NFIB: variants seen among roughly 807,000 people sequenced by gnomAD.
NFIB encodes nuclear factor I B.
A neutral mutation model predicts 61.5 loss-of-function variants in NFIB; 11 were observed. The observed-to-expected ratio is 0.18, with a 90% CI of 0.11 to 0.30. NFIB has a LOEUF of 0.30. Among genes scored for constraint, NFIB ranks in the 10% least tolerant of loss-of-function variants. The probability of loss-of-function intolerance (pLI) is 1.00; values close to 1 mark genes in which losing one functional copy is unlikely to be tolerated. For missense variants in NFIB, 471 were observed against 608.9 expected, an observed-to-expected ratio of 0.77 and a Z score of 2.38; for synonymous variants, 260 against 216.5, an observed-to-expected ratio of 1.20 and a Z score of -1.76.
At chr9:14,152,102 G>A (rs748022067) in intron 4 of NFIB, among the ~76,000 whole-genome samples, 1 of 151,914 alleles carries the variant, frequency 6.6e-6, no homozygotes, top group Admixed American at 6.6e-5. Flanking sequence ...AAGTAACCAC[G>A]GAATACACAA....
the NFIB span, among the ~76,000 whole-genome samples, chr9:14,484,481 A>T: frequency 6.6e-6 from 1 of 152,218 alleles, no homozygotes; most frequent in South Asian, 2.1e-4. Flanking sequence ...TCTGCTGCAA[A>T]ATATGTGTTT....
the NFIB span, among the ~76,000 whole-genome samples, chr9:14,517,243 T>C: frequency 1.8e-4 from 28 of 152,210 alleles, no homozygotes; most frequent in Non-Finnish European, 3.8e-4. Flanking sequence ...AACCTCTCTC[T>C]GGAATGCAGG....
At chr9:14,317,546 A>G (rs376654080), upstream of NFIB, among the ~76,000 whole-genome samples, 7 of 152,366 alleles carry the variant, frequency 4.6e-5, no homozygotes, top group East Asian at 7.7e-4. Context: ...GAGGCGAGGA[A>G]AACCAAAAAG....
the NFIB span, among the ~76,000 whole-genome samples, chr9:14,488,340 A>G: frequency 1.3e-5 from 2 of 151,222 alleles, no homozygotes; most frequent in South Asian, 2.1e-4. Flanking sequence ...TTCAATCTGG[A>G]CAACAGAGCA....
At chr9:14,462,376 G>A in the NFIB span, among the ~76,000 whole-genome samples, 14 of 151,258 alleles carry the variant, frequency 9.3e-5, no homozygotes, top group South Asian at 2.1e-4. Flanking sequence ...TCCGCCTCCC[G>A]GGTTCACGCC....
rs910265401 is a variant in NFIB, at chr9:14,184,246, T to C, written c.563-4466A>G. ...GGACAGCCTATTCAGACACAATACT[T>C]CTTGAATCGTTATGATGCAATCCTA... is the stretch of plus-strand genomic sequence containing the variant. On this transcript the variant is annotated intron_variant, in intron 2 of 10. Transcript: ENST00000380953. Among the ~76,000 whole-genome samples, 4 of 152,350 alleles carry C rather than the reference T, an allele frequency of 2.6e-5. No homozygotes were observed. In the East Asian group the frequency reaches 5.8e-4, roughly 22 times the overall value.
At chr9:14,126,886 A>G (rs1280099884) in intron 6 of NFIB, among the ~76,000 whole-genome samples, 2 of 152,244 alleles carry the variant, frequency 1.3e-5, no homozygotes, top group African/African-American at 4.8e-5. Flanking sequence ...GACCGAATGT[A>G]TGCCACATGC....
chr9:14,451,207 C>T, the NFIB span, among the ~76,000 whole-genome samples: 1 of 152,222 alleles, frequency 6.6e-6, no homozygotes, highest in Non-Finnish European at 1.5e-5. Flanking sequence ...GTAGAAGAGT[C>T]ACTTTATAAT....
chr9:14,164,245 G>A (rs1324033401), intron 3 of NFIB, among the ~76,000 whole-genome samples: 1 of 152,036 alleles, frequency 6.6e-6, no homozygotes, highest in Non-Finnish European at 1.5e-5. Context: ...GTCATGAATG[G>A]CTTAATGGCA....
At chr9:14,301,065 G>A (rs973629760) in intron 2 of NFIB, among the ~76,000 whole-genome samples, 1 of 152,062 alleles carries the variant, frequency 6.6e-6, no homozygotes, top group African/African-American at 2.4e-5. Context: ...AATCTATTAC[G>A]AATCTTCATG....
At chr9:14,322,866 C>CG (rs2060696817) in intron 1 of NFIB, among the ~76,000 whole-genome samples, 1 of 151,610 alleles carries the variant, frequency 6.6e-6, no homozygotes, top group African/African-American at 2.4e-5. Flanking sequence ...GTGACCGTCT[C>CG]GGGGGCTGCT....
chr9:14,389,521 G>A (rs1313122135), intron 1 of NFIB, among the ~76,000 whole-genome samples: 1 of 152,016 alleles, frequency 6.6e-6, no homozygotes, highest in Non-Finnish European at 1.5e-5. Context: ...TTTTAAGCAG[G>A]CATCTAAAAC....
chr9:14,460,872 A>G, the NFIB span, among the ~76,000 whole-genome samples: 1 of 151,616 alleles, frequency 6.6e-6, no homozygotes, highest in Non-Finnish European at 1.5e-5. Flanking sequence ...TGTTATTCCA[A>G]CTTCACTTCT....
intron 2 of NFIB, among the ~76,000 whole-genome samples, chr9:14,214,945 C>G (rs1160661834): frequency 1.3e-5 from 2 of 152,088 alleles, no homozygotes; most frequent in African/African-American, 2.4e-5. Flanking sequence ...GCTTCCATGC[C>G]CATTAAGAAA....
At chr9:14,282,833 G>A (rs1344003431) in intron 2 of NFIB, among the ~76,000 whole-genome samples, 1 of 152,168 alleles carries the variant, frequency 6.6e-6, no homozygotes, top group African/African-American at 2.4e-5. Flanking sequence ...TCAAATACTT[G>A]TTCCTCCTTT....
chr9:14,354,914 C>T (rs1218031018), intron 1 of NFIB, among the ~76,000 whole-genome samples: 1 of 151,944 alleles, frequency 6.6e-6, no homozygotes, highest in African/African-American at 2.4e-5. Flanking sequence ...TGAACACTGT[C>T]ACTATTCCTT....
chr9:14,315,282 G>A (rs573405521), upstream of NFIB, among the ~76,000 whole-genome samples: 2,037 of 151,110 alleles, frequency 0.013, 18 homozygotes, highest in Middle Eastern at 0.045. Context: ...GCGGCGCTTC[G>A]CCGCGGTTTG....
At chr9:14,484,329 T>C in the NFIB span, among the ~76,000 whole-genome samples, 1 of 152,198 alleles carries the variant, frequency 6.6e-6, no homozygotes, top group Non-Finnish European at 1.5e-5. Context: ...TATAACTGAA[T>C]AGATTTAACT....
intron 2 of NFIB, among the ~76,000 whole-genome samples, chr9:14,256,051 T>G (rs1415780264): frequency 6.6e-6 from 1 of 152,226 alleles, no homozygotes; most frequent in African/African-American, 2.4e-5. Flanking sequence ...AAGCTACCAA[T>G]GGTGCCTGCC....
Sources: gnomAD v4.1 joint callset for allele counts (sites outside exome capture counted in the v4.1 genomes callset) on GRCh38, gnomAD v4.1.1 for gene constraint, MANE v1.5 for transcripts, NCBI Gene and HGNC (gene_info 2026-07-23, HGNC 2026-07-21) for gene names.